UBE3D: variants seen among roughly 807,000 people sequenced by gnomAD.
The protein encoded by UBE3D is ubiquitin protein ligase E3D.
A neutral mutation model predicts 49.6 loss-of-function variants in UBE3D; 48 were observed. The ratio of observed to expected loss-of-function variants is 0.97; its 90% CI spans 0.77 to 1.23. The LOEUF (loss-of-function observed/expected upper bound fraction) is 1.23. UBE3D is among the 50% of genes most tolerant of loss of function. UBE3D has a pLI of 0.00. For missense variants in UBE3D, 452 were observed against 468.4 expected, an observed-to-expected ratio of 0.96 and a Z score of 0.32; for synonymous variants, 189 against 174.2, an observed-to-expected ratio of 1.08 and a Z score of -0.67.
At chr6:82,984,937 A>G (rs1252227577) in intron 8 of UBE3D, among the ~76,000 whole-genome samples, 1 of 150,696 alleles carries the variant, frequency 6.6e-6, no homozygotes, top group Non-Finnish European at 1.5e-5. Context: ...CAGCCTCCCA[A>G]GTAGGTAGGA....
In UBE3D at chr6:82,927,183, CT is replaced by C. The variant is rs1773815903; in HGVS notation, c.1149+30128del. ...ATATTTTTGCGGGTCCATTTCTGGG[CT>C]TTCTATTCTGTTCCATTGATCTATT... On this transcript the variant is annotated intron_variant, in intron 9 of 9. Coordinates refer to ENST00000369747, the MANE Select transcript of UBE3D (RefSeq NM_198920.3). 7.4e-5 allele frequency among the ~76,000 whole-genome samples: 11 copies of C among 148,830 alleles called. No individual in the cohort carries two copies. The South Asian group carries it at 2.3e-3, about 32-fold the overall frequency.
intron 3 of UBE3D, among the ~76,000 whole-genome samples, chr6:83,051,465 C>T (rs1204818187): frequency 6.6e-6 from 1 of 152,140 alleles, no homozygotes; most frequent in Non-Finnish European, 1.5e-5. Context: ...ACACAAATAA[C>T]AGCCAATAAT....
chr6:82,959,968 G>A (rs1776436467), intron 8 of UBE3D, among the ~76,000 whole-genome samples: 1 of 152,062 alleles, frequency 6.6e-6, no homozygotes, highest in Non-Finnish European at 1.5e-5. Context: ...AAATACGCTT[G>A]CAGTCCCGGG....
At chr6:83,046,760 T>C (rs1214321097) in intron 3 of UBE3D, among the ~76,000 whole-genome samples, 4 of 151,580 alleles carry the variant, frequency 2.6e-5, no homozygotes, top group African/African-American at 9.7e-5. Context: ...CAAATGTACA[T>C]TTCTACAAGC....
At chr6:82,933,719 T>A (rs1330158475) in intron 9 of UBE3D, among the ~76,000 whole-genome samples, 1 of 152,202 alleles carries the variant, frequency 6.6e-6, no homozygotes, top group African/African-American at 2.4e-5. Context: ...AAACAAAGGT[T>A]AAATCATAGA....
chr6:82,889,075 T>C (rs940454896), downstream of UBE3D, among the ~76,000 whole-genome samples: 1 of 152,204 alleles, frequency 6.6e-6, no homozygotes, highest in African/African-American at 2.4e-5. Flanking sequence ...GTATTTAAGA[T>C]TTAAGAATGT....
chr6:82,977,500 A>G (rs1392542211), intron 8 of UBE3D, among the ~76,000 whole-genome samples: 1 of 152,144 alleles, frequency 6.6e-6, no homozygotes, highest in African/African-American at 2.4e-5. Context: ...AATGAGTACA[A>G]AAGATCTTGA....
At chr6:82,914,235 G>A (rs546823490) in intron 9 of UBE3D, among the ~76,000 whole-genome samples, 1 of 152,294 alleles carries the variant, frequency 6.6e-6, no homozygotes, top group South Asian at 2.1e-4. Context: ...CTGACTTTTA[G>A]AAAGGGCTTA....
chr6:82,885,152 A>G, the UBE3D span, among the ~76,000 whole-genome samples: 1 of 147,660 alleles, frequency 6.8e-6, no homozygotes, highest in African/African-American at 2.5e-5. Context: ...AATAATTAAA[A>G]GTAGAATAGA....
intron 3 of UBE3D, among the ~76,000 whole-genome samples, chr6:83,050,189 T>C (rs769257521): frequency 3.9e-5 from 6 of 152,046 alleles, no homozygotes; most frequent in Non-Finnish European, 8.8e-5. Flanking sequence ...GTCTTACTGT[T>C]TAAACTGTCC....
intron 8 of UBE3D, among the ~76,000 whole-genome samples, chr6:82,958,745 G>A (rs888560939): frequency 3.3e-5 from 5 of 152,144 alleles, no homozygotes; most frequent in African/African-American, 1.2e-4. Context: ...CTGGATCTGG[G>A]AGCCAAACTG....
chr6:82,951,946 A>G (rs1178814918), intron 9 of UBE3D, among the ~76,000 whole-genome samples: 1 of 152,176 alleles, frequency 6.6e-6, no homozygotes, highest in Admixed American at 6.5e-5. Context: ...GAGATAGAAC[A>G]GTGTCTCCCC....
chr6:82,922,267 A>G (rs1773402524), intron 9 of UBE3D, among the ~76,000 whole-genome samples: 1 of 152,204 alleles, frequency 6.6e-6, no homozygotes. Context: ...AGCAGCTAAA[A>G]ATTCTTCCAA....
At chr6:82,925,970 C>A (rs1773719739) in intron 9 of UBE3D, among the ~76,000 whole-genome samples, 1 of 152,050 alleles carries the variant, frequency 6.6e-6, no homozygotes, top group South Asian at 2.1e-4. Context: ...GTATTCAAAT[C>A]CCCACATTTC....
chr6:82,983,061 C>A (rs1202979518), intron 8 of UBE3D, among the ~76,000 whole-genome samples: 2 of 151,960 alleles, frequency 1.3e-5, no homozygotes, highest in Admixed American at 6.6e-5. Flanking sequence ...TCATAGCTCA[C>A]TGCAGCCTCA....
intron 4 of UBE3D, among the ~76,000 whole-genome samples, chr6:83,042,918 AC>A (rs1405072402): frequency 1.3e-5 from 2 of 152,198 alleles, no homozygotes; most frequent in Non-Finnish European, 2.9e-5. Flanking sequence ...TATTTTGGTC[AC>A]AGGCACACTC....
chr6:82,997,995 G>T (rs925218590), intron 8 of UBE3D, among the ~76,000 whole-genome samples: 3 of 152,208 alleles, frequency 2.0e-5, no homozygotes, highest in African/African-American at 7.2e-5. Flanking sequence ...AATTTTTTCT[G>T]ACATGGAGAG....
At chr6:82,912,607 AG>A (rs1196153872) in intron 9 of UBE3D, among the ~76,000 whole-genome samples, 1 of 152,220 alleles carries the variant, frequency 6.6e-6, no homozygotes, top group East Asian at 1.9e-4. Flanking sequence ...AGAGCTTCAA[AG>A]AGTTATGTGG....
rs964543629 is a variant in UBE3D, at chr6:83,034,901, A to G, written c.667+3515T>C. On this transcript the variant is annotated intron_variant, in intron 5 of 9. Transcript: ENST00000369747. ...TAACTAAAAAAAAAGAAAAAAAATC[A>G]GCCAGGTATGTTGGCTCATGCCTGT... Among the ~76,000 whole-genome samples the G allele has an allele frequency of 2.2e-4, 33 of 152,268 alleles. 1 individual carries two copies. Among genetic ancestry groups the G allele is most frequent in the African/African-American group, 7.0e-4 (29 of 41,562 alleles).
Sources: allele counts gnomAD v4.1 joint callset (sites outside exome capture counted in the v4.1 genomes callset), GRCh38; gene constraint gnomAD v4.1.1; transcripts MANE v1.5; gene names NCBI Gene and HGNC (gene_info 2026-07-23, HGNC 2026-07-21).